The following UGGT2 variants were observed in gnomAD, a reference collection of about 807,000 sequenced individuals.
UGGT2 encodes the protein UDP-glucose:glycoprotein glucosyltransferase 2.
A neutral mutation model predicts 192.1 loss-of-function variants in UGGT2; 180 were observed. The observed-to-expected ratio is 0.94, with a 90% CI of 0.83 to 1.06. The LOEUF is 1.06. UGGT2 is among the 50% of genes least tolerant of loss of function. The probability of loss-of-function intolerance (pLI) is 0.00; values close to 1 mark genes in which losing one functional copy is unlikely to be tolerated. For missense variants in UGGT2, 1,849 were observed against 1,795.7 expected (o/e 1.03, Z -0.54); for synonymous variants, 580 against 591.0 (o/e 0.98, Z 0.27).
intron 38 of UGGT2, among the ~76,000 whole-genome samples, chr13:95,813,356 G>C (rs1884668495): frequency 6.6e-6 from 1 of 152,188 alleles, no homozygotes; most frequent in Non-Finnish European, 1.5e-5. Flanking sequence ...AGTCATACAT[G>C]TTATGCTTTA....
At chr13:95,948,410 G>C (rs2049952580) in intron 13 of UGGT2, among the ~76,000 whole-genome samples, 1 of 151,878 alleles carries the variant, frequency 6.6e-6, no homozygotes, top group Non-Finnish European at 1.5e-5. Context: ...ATGTTCATTA[G>C]ATTTTCTATG....
At chr13:95,822,519 T>C (rs1048801841) in intron 38 of UGGT2, among the ~76,000 whole-genome samples, 2 of 152,082 alleles carry the variant, frequency 1.3e-5, no homozygotes, top group Admixed American at 1.3e-4. Flanking sequence ...TTTTCCACTT[T>C]GTTATGTCCT....
Position 95,833,126 on chromosome 13 carries a change from G to C in UGGT2, c.4402-73C>G, listed in dbSNP as rs548014037. On this transcript the variant is annotated intron_variant, in intron 37 of 38. Transcript: ENST00000376747. ...ACATAAGGACAATGCTGTGTCACTA[G>C]GGCAAACAAAATACATTTTATAAAA... 70 of 1,510,920 alleles carry C rather than the reference G, an allele frequency of 4.6e-5. No homozygotes were observed. The Middle Eastern group carries it at 5.3e-4, about 12-fold the overall frequency. The allele number at this position is 1,510,920 out of a possible 1,614,324, so 93.6% of individuals were successfully genotyped here. A position where few individuals can be genotyped will look rare whatever the true frequency, so the allele number is the denominator to read the frequency against.
intron 27 of UGGT2, 118 bp from the exon 28 acceptor site, chr13:95,877,974 AG>A (rs2047389167): frequency 1.9e-6 from 2 of 1,041,376 alleles, no homozygotes; most frequent in Non-Finnish European, 2.7e-6. Context: ...GCTAACTTTA[AG>A]TCTTTATTTT....
At chr13:95,962,425 C>T (rs1409764736) in intron 12 of UGGT2, among the ~76,000 whole-genome samples, 2 of 151,952 alleles carry the variant, frequency 1.3e-5, no homozygotes, top group African/African-American at 4.8e-5. Flanking sequence ...AAACTATACA[C>T]TAACAAACTG....
intron 38 of UGGT2, among the ~76,000 whole-genome samples, chr13:95,827,346 T>C (rs1370391161): frequency 6.6e-6 from 1 of 152,140 alleles, no homozygotes; most frequent in Non-Finnish European, 1.5e-5. Context: ...CAAGTTAAAA[T>C]AAGGTCATAA....
chr13:95,948,823 C>T (rs927555055), intron 13 of UGGT2, among the ~76,000 whole-genome samples: 6 of 152,154 alleles, frequency 3.9e-5, no homozygotes, highest in African/African-American at 1.4e-4. Context: ...TGTGTGCCCA[C>T]TCAAATCTCA....
At chr13:95,900,760 C>T in intron 22 of UGGT2, 47 bp downstream of exon 22, 1 of 1,574,260 alleles carries the variant, frequency 6.4e-7, no homozygotes, top group South Asian at 1.2e-5. Context: ...CAGACCAGTG[C>T]ACTGCAGTGT....
intron 27 of UGGT2, among the ~76,000 whole-genome samples, chr13:95,882,400 G>A (rs1028566545): frequency 6.6e-6 from 1 of 152,158 alleles, no homozygotes; most frequent in African/African-American, 2.4e-5. Flanking sequence ...GTTAGTATAT[G>A]GTGGTAAATC....
intron 36 of UGGT2, 71 bp downstream of exon 36, chr13:95,853,472 A>G: frequency 8.1e-7 from 1 of 1,240,734 alleles, no homozygotes; most frequent in East Asian, 2.5e-5. Context: ...AAGACTTTAA[A>G]GTTTATGAGC....
intron 37 of UGGT2, among the ~76,000 whole-genome samples, chr13:95,835,927 A>G (rs1265133740): frequency 6.6e-6 from 1 of 152,248 alleles, no homozygotes; most frequent in Non-Finnish European, 1.5e-5. Context: ...TATTTTAAGT[A>G]GACAAAATTG....
At chr13:95,906,884 C>T (rs541085886) in intron 20 of UGGT2, among the ~76,000 whole-genome samples, 58 of 152,302 alleles carry the variant, frequency 3.8e-4, no homozygotes, top group Admixed American at 1.4e-3. Context: ...TGGGTGATTC[C>T]TGCATTTCCA....
At chr13:95,939,125 T>G (rs1278218298) in intron 16 of UGGT2, among the ~76,000 whole-genome samples, 1 of 152,192 alleles carries the variant, frequency 6.6e-6, no homozygotes, top group Non-Finnish European at 1.5e-5. Context: ...CCTTATCTCC[T>G]CGACTGTACC....
At chr13:96,007,237 AT>A (rs1293117403) in intron 5 of UGGT2, among the ~76,000 whole-genome samples, 1 of 152,314 alleles carries the variant, frequency 6.6e-6, no homozygotes, top group East Asian at 1.9e-4. Flanking sequence ...ATTTGACAAA[AT>A]TCAACATCTC....
chr13:95,878,038 T>C lies in UGGT2; in HGVS notation c.3229-182A>G, dbSNP rs1436027866. Among the ~76,000 whole-genome samples, 3 of 152,076 alleles carry C rather than the reference T, an allele frequency of 2.0e-5. No homozygotes were observed. In the East Asian group the frequency reaches 5.8e-4, roughly 29 times the overall value. ...TGATTTCTTCAAGACAAAAAGCTTA[T>C]GATAAACTTTTTCTTTTTCATGACA... On this transcript the variant is annotated intron_variant, in intron 27 of 38. Transcript: ENST00000376747.
chr13:95,824,616 T>A (rs772483967), intron 38 of UGGT2, among the ~76,000 whole-genome samples: 1 of 152,188 alleles, frequency 6.6e-6, no homozygotes, highest in Non-Finnish European at 1.5e-5. Context: ...TCCCTAAGCA[T>A]GTCTTTCATT....
At chr13:95,850,157 T>G (rs1888892894) in intron 36 of UGGT2, among the ~76,000 whole-genome samples, 1 of 152,196 alleles carries the variant, frequency 6.6e-6, no homozygotes, top group Non-Finnish European at 1.5e-5. Flanking sequence ...ATAAATTTAT[T>G]TCTAAGAACT....
At chr13:95,870,649 G>A (rs1891137443) in intron 29 of UGGT2, among the ~76,000 whole-genome samples, 1 of 152,192 alleles carries the variant, frequency 6.6e-6, no homozygotes, top group Admixed American at 6.5e-5. Flanking sequence ...CAGCCCTCCT[G>A]GAGAGCTTGC....
intron 12 of UGGT2, among the ~76,000 whole-genome samples, chr13:95,953,467 G>A (rs963827733): frequency 2.0e-5 from 3 of 152,180 alleles, no homozygotes; most frequent in African/African-American, 7.2e-5. Context: ...TAACTTTGGC[G>A]GGAGTGCAGA....
Sources: gnomAD v4.1 joint callset for allele counts (sites outside exome capture counted in the v4.1 genomes callset) on GRCh38, gnomAD v4.1.1 for gene constraint, MANE v1.5 for transcripts, NCBI Gene and HGNC (gene_info 2026-07-23, HGNC 2026-07-21) for gene names.